TENM3: variants seen among roughly 807,000 people sequenced by gnomAD.
TENM3 encodes teneurin-3.
Under a neutral mutation model 255.1 loss-of-function variants are expected in TENM3, and 63 were observed. The observed-to-expected ratio is 0.25, with a 90% confidence interval of 0.20 to 0.30. TENM3 has a LOEUF of 0.30. TENM3 is among the 10% of genes least tolerant of loss of function. The probability of loss-of-function intolerance (pLI) is 1.00; values close to 1 mark genes in which losing one functional copy is unlikely to be tolerated. For synonymous variants in TENM3, 1,306 were observed against 1,322.3 expected, an observed-to-expected ratio of 0.99 and a Z score of 0.27; for missense variants, 2,929 against 3,461.1, an observed-to-expected ratio of 0.85 and a Z score of 3.86.
At chr4:181,469,684 G>GTGA in the TENM3 span, among the ~76,000 whole-genome samples, 1 of 151,604 alleles carries the variant, frequency 6.6e-6, no homozygotes, top group Non-Finnish European at 1.5e-5. Context: ...GAAAATTGTT[G>GTGA]AGTAGTTAAG....
At chr4:181,736,389 T>A in the TENM3 span, among the ~76,000 whole-genome samples, 1 of 152,164 alleles carries the variant, frequency 6.6e-6, no homozygotes, top group Non-Finnish European at 1.5e-5. Context: ...AAACCTGCTC[T>A]TTCACATGTA....
chr4:182,239,881 T>A (rs1157358210), upstream of TENM3, among the ~76,000 whole-genome samples: 2 of 152,176 alleles, frequency 1.3e-5, no homozygotes, highest in African/African-American at 4.8e-5. Context: ...ATTTTCAAAG[T>A]GTAAAAATAG....
chr4:182,495,433 A>G (rs1560828011), intron 3 of TENM3, among the ~76,000 whole-genome samples: 1 of 152,222 alleles, frequency 6.6e-6, no homozygotes, highest in Non-Finnish European at 1.5e-5. Flanking sequence ...TCAAATAAAC[A>G]CAAAACTGAA....
chr4:182,716,739 G>C (rs113457867), intron 13 of TENM3, among the ~76,000 whole-genome samples: 1 of 152,174 alleles, frequency 6.6e-6, no homozygotes, highest in Admixed American at 6.5e-5. Context: ...AGAATGTTTA[G>C]GAACTATAAA....
the TENM3 span, among the ~76,000 whole-genome samples, chr4:181,861,313 A>G: frequency 1.3e-5 from 2 of 152,168 alleles, no homozygotes; most frequent in Non-Finnish European, 2.9e-5. Flanking sequence ...AAGAAGGTGG[A>G]ATAAATATTT....
At chr4:182,529,700 G>C (rs1580844074) in intron 3 of TENM3, among the ~76,000 whole-genome samples, 1 of 152,140 alleles carries the variant, frequency 6.6e-6, no homozygotes, top group East Asian at 1.9e-4. Flanking sequence ...TTTATTCCTT[G>C]ACATATGATT....
chr4:181,728,332 G>T, the TENM3 span, among the ~76,000 whole-genome samples: 1 of 152,156 alleles, frequency 6.6e-6, no homozygotes, highest in Admixed American at 6.5e-5. Context: ...AAGCGGTTAA[G>T]AAAGTAAAAC....
At chr4:181,646,823 G>A in the TENM3 span, among the ~76,000 whole-genome samples, 1 of 152,086 alleles carries the variant, frequency 6.6e-6, no homozygotes, top group East Asian at 1.9e-4. Context: ...TTTTCTGAGA[G>A]CTATAGCATC....
chr4:181,770,560 AGC>A, the TENM3 span, among the ~76,000 whole-genome samples: 668 of 151,774 alleles, frequency 4.4e-3, 6 homozygotes, highest in African/African-American at 0.014. Context: ...CTGTAGTCCC[AGC>A]TACTTGGGAG....
the TENM3 span, among the ~76,000 whole-genome samples, chr4:181,557,478 T>C: frequency 6.6e-6 from 1 of 152,216 alleles, no homozygotes; most frequent in Non-Finnish European, 1.5e-5. Flanking sequence ...GAAGTTACTT[T>C]ATACATATTG....
At chr4:181,996,711 C>T in the TENM3 span, among the ~76,000 whole-genome samples, 2 of 152,128 alleles carry the variant, frequency 1.3e-5, no homozygotes, top group African/African-American at 4.8e-5. Flanking sequence ...AAGGTTATTC[C>T]AGCAGCACTT....
At chr4:181,724,925 G>A in the TENM3 span, among the ~76,000 whole-genome samples, 1 of 152,172 alleles carries the variant, frequency 6.6e-6, no homozygotes, top group East Asian at 1.9e-4. Context: ...AGGGAGTAAG[G>A]AAAGTGATGG....
the TENM3 span, among the ~76,000 whole-genome samples, chr4:181,595,794 G>A: frequency 6.6e-6 from 1 of 151,964 alleles, no homozygotes; most frequent in Non-Finnish European, 1.5e-5. Flanking sequence ...TATCTTAGAG[G>A]ATTTTTCCTT....
the TENM3 span, among the ~76,000 whole-genome samples, chr4:182,048,445 GCT>G: frequency 6.6e-6 from 1 of 152,022 alleles, no homozygotes; most frequent in South Asian, 2.1e-4. Context: ...AGATAATCAT[GCT>G]CTTTGTTGAT....
chr4:182,246,969 G>C (rs1757695786), intron 1 of TENM3, among the ~76,000 whole-genome samples: 2 of 152,220 alleles, frequency 1.3e-5, no homozygotes, highest in South Asian at 4.1e-4. Context: ...GCCTCTCTGC[G>C]GAGGCGATGC....
chr4:182,625,417 G>A (rs1044354929), intron 4 of TENM3, among the ~76,000 whole-genome samples: 7 of 152,140 alleles, frequency 4.6e-5, no homozygotes, highest in Non-Finnish European at 8.8e-5. Flanking sequence ...GTGAGGGATC[G>A]AGGTTGTGCG....
chr4:181,856,890 C>T, the TENM3 span, among the ~76,000 whole-genome samples: 10 of 152,262 alleles, frequency 6.6e-5, no homozygotes, highest in Admixed American at 1.3e-4. Context: ...GTGGTTATAG[C>T]GACAGGCAGA....
At chr4:182,575,531 G>A (rs1438200723) in intron 3 of TENM3, among the ~76,000 whole-genome samples, 1 of 152,124 alleles carries the variant, frequency 6.6e-6, no homozygotes, top group Non-Finnish European at 1.5e-5. Context: ...AAGAGACACA[G>A]GCTTTTAATA....
chr4:182,169,199 A>G, intron 1 of TENM3: 2 of 459,290 alleles, frequency 4.4e-6, no homozygotes, highest in South Asian at 1.6e-5. Flanking sequence ...TCATAAACCA[A>G]GTGATTTTTG....
Sources: allele counts gnomAD v4.1 joint callset (sites outside exome capture counted in the v4.1 genomes callset), GRCh38; gene constraint gnomAD v4.1.1; transcripts MANE v1.5; gene names NCBI Gene and HGNC (gene_info 2026-07-23, HGNC 2026-07-21).